RGN: variants seen among roughly 807,000 people sequenced by gnomAD.
RGN encodes the protein regucalcin.
A neutral mutation model predicts 20.6 loss-of-function variants in RGN; 19 were observed. The ratio of observed to expected loss-of-function variants is 0.92; its 90% CI spans 0.64 to 1.35. The LOEUF (loss-of-function observed/expected upper bound fraction) is 1.35. Among genes scored for constraint, RGN ranks in the 40% most tolerant of loss-of-function variants. The probability of loss-of-function intolerance (pLI) is 0.00; values close to 1 mark genes in which losing one functional copy is unlikely to be tolerated. For synonymous variants in RGN, 85 were observed against 87.2 expected (o/e 0.97, Z 0.14); for missense variants, 302 against 232.7 (o/e 1.30, Z -1.94).
At chrX:47,082,373 C>G (rs1930373857) in intron 3 of RGN, among the ~76,000 whole-genome samples, 1 of 93,044 alleles carries the variant, frequency 1.1e-5, no homozygotes, top group Admixed American at 1.3e-4. Context: ...TGCAATAATG[C>G]AAACATGGCT....
chrX:47,086,031 G>T (rs782739047), intron 4 of RGN, among the ~76,000 whole-genome samples: 11 of 111,970 alleles, frequency 9.8e-5, no homozygotes, highest in African/African-American at 3.2e-4. Context: ...TGCAGTCTAG[G>T]CTCATGGATT....
rs1448081428 is a variant in RGN at position 47,080,904 on chromosome X, T to G, written c.-48T>G. The G allele has an allele frequency of 2.9e-6, 1 of 342,407 alleles. No homozygotes were observed. The highest frequency in any genetic ancestry group is 5.0e-6 in the Non-Finnish European group (1 of 199,260). 28.2% of individuals were successfully genotyped at this position (342,407 alleles called of 1,213,427 possible). On this transcript the variant is annotated 5_prime_UTR_variant, in exon 2 of 8. Transcript: ENST00000397180. ...GTCAGAGTGTCACTTTTTTGTTTTC[T>G]TTTTGAAAGATCATTCGAGAAACAC...
At position 47,092,940 on chromosome X, in the gene RGN, C is replaced by T. The variant is rs782503509; in HGVS notation, c.893C>T (p.Ala298Val). ...GVKGIAPYSY[A>V]G ...AAAGGAATTGCTCCCTACTCCTATG[C>T]GGGATGAGGACAGGTCTTCTTTCCT... The change falls in exon 8 of 8, where the codon GCG becomes GTG. Residue 298 changes from alanine to valine, a missense_variant. By Grantham distance (64) the Ala-to-Val change is moderately conservative. Coordinates refer to ENST00000397180, the MANE Select transcript of RGN (RefSeq NM_152869.4). 7 of 1,201,292 alleles carry T rather than the reference C, an allele frequency of 5.8e-6. No homozygotes were observed. Among genetic ancestry groups the T allele is most frequent in the Admixed American group, 2.2e-5 (1 of 45,818 alleles).
At chrX:47,082,640 G>A (rs1312653755) in intron 3 of RGN, among the ~76,000 whole-genome samples, 1 of 111,055 alleles carries the variant, frequency 9.0e-6, no homozygotes, top group Non-Finnish European at 1.9e-5. Context: ...TAAATGAAAG[G>A]GAACAAATTT....
intron 3 of RGN, 119 bp downstream of exon 3, chrX:47,081,426 C>A: frequency 1.8e-6 from 1 of 562,663 alleles, no homozygotes; most frequent in Non-Finnish European, 2.8e-6. Flanking sequence ...TCTGTCCCCA[C>A]TCCATATCCT....
intron 3 of RGN, among the ~76,000 whole-genome samples, chrX:47,082,303 CTTTTTT>C (rs11286766): frequency 1.7e-5 from 1 of 59,259 alleles, no homozygotes; most frequent in African/African-American, 6.6e-5. Flanking sequence ...GGGACCTCAA[CTTTTTT>C]TTTTTTTTTT....
At chrX:47,088,890 C>G (rs782607060) in intron 4 of RGN, among the ~76,000 whole-genome samples, 6 of 97,082 alleles carry the variant, frequency 6.2e-5, no homozygotes, top group Non-Finnish European at 1.0e-4. Context: ...GCTGTGATCA[C>G]GCCACTGCAC....
At chrX:47,079,132 T>C (rs1286031209) in intron 1 of RGN, among the ~76,000 whole-genome samples, 1 of 108,974 alleles carries the variant, frequency 9.2e-6, no homozygotes, top group East Asian at 2.9e-4. Context: ...GCTAATTTTT[T>C]GTATTTTTTG....
At position 47,084,618 on chromosome X, in the gene RGN, A is replaced by T. The variant is rs782665041; in HGVS notation, c.346+18A>T. 3 of 1,144,767 alleles carry T rather than the reference A, an allele frequency of 2.6e-6. No homozygotes were observed. The highest frequency in any genetic ancestry group is 3.5e-6 in the Non-Finnish European group (3 of 850,338). The allele number at this position is 1,144,767 out of a possible 1,213,427, so 94.3% of individuals were successfully genotyped here. On this transcript the variant is annotated intron_variant, in intron 4 of 7. Transcript: ENST00000397180. ...CTTTGCTGGTAAGATTTCTCTTAAC[A>T]CCTACTTATTACTGAGCCTTGGAGG... is the stretch of plus-strand genomic sequence containing the variant.
At position 47,083,926 on chromosome X, in the gene RGN, A is replaced by C. The variant is rs782022481; in HGVS notation, c.164-492A>C. Among the ~76,000 whole-genome samples the C allele has an allele frequency of 5.7e-3, 532 of 92,927 alleles. 4 individuals carry two copies. The highest frequency in any genetic ancestry group is 0.015 in the African/African-American group (278 of 18,935). The allele number at this position is 92,927 out of a possible 115,157, so 80.7% of individuals were successfully genotyped here. A position where few individuals can be genotyped will look rare whatever the true frequency, so the allele number is the denominator to read the frequency against. The stretch of plus-strand genomic sequence containing the variant: ...AAACTCTGTCTCAAACAAAACAAAC[A>C]AAAAAAAAAATGCAAATCCTGGATT... On this transcript the variant is annotated intron_variant, in intron 3 of 7. Transcript: ENST00000397180.
intron 4 of RGN, 152 bp downstream of exon 4, chrX:47,084,752 G>A (rs1344844968): frequency 3.1e-5 from 14 of 446,623 alleles, no homozygotes; most frequent in Admixed American, 2.3e-4. Flanking sequence ...CCAGGAGTTC[G>A]ATAACTGCCT....
rs1898591512 is a variant in RGN, at chrX:47,090,011, T to C, written c.562+20T>C. The stretch of plus-strand genomic sequence containing the variant: ...AGATCTGTATGTATTTTTCATTATT[T>C]GTCTCAGTGCTGCCACTATTGTTTT... On this transcript the variant is annotated intron_variant, in intron 5 of 7. Transcript: ENST00000397180. The C allele has an allele frequency of 9.2e-7, 1 of 1,091,137 alleles. No individual in the cohort carries two copies. The highest frequency in any genetic ancestry group is 1.3e-6 in the Non-Finnish European group (1 of 798,427). The allele number at this position is 1,091,137 out of a possible 1,213,427, so 89.9% of individuals were successfully genotyped here. A position where few individuals can be genotyped will look rare whatever the true frequency, so the allele number is the denominator to read the frequency against.
intron 4 of RGN, among the ~76,000 whole-genome samples, chrX:47,085,798 TGA>T (rs1164330872): frequency 2.7e-5 from 3 of 111,709 alleles, no homozygotes; most frequent in Non-Finnish European, 3.8e-5. Context: ...CAGAATCATG[TGA>T]GAGTAGGTTG....
At position 47,092,188 on chromosome X, in the gene RGN, G is replaced by T; in HGVS notation, c.822G>T (p.Arg274Ser). The T allele has an allele frequency of 8.4e-7, 1 of 1,184,216 alleles. No individual in the cohort carries two copies. Among genetic ancestry groups the T allele is most frequent in the South Asian group, 1.9e-5 (1 of 53,341 alleles). The change falls in exon 7 of 8, where the codon AGG becomes AGT. Residue 274 changes from arginine (R) to serine (S), a missense_variant. Physicochemically the swap from Arg to Ser is moderately radical, Grantham distance 110. Coordinates refer to ENST00000397180, the MANE Select transcript of RGN (RefSeq NM_152869.4). ...RDGMDPEGLLRQPEAGGIFKI... is the reference protein window; with the variant it reads ...RDGMDPEGLLSQPEAGGIFKI... ...GGATGGACCCCGAGGGTCTTTTGAGGCAACCTGAAGCTGGTGGAATTTTCA... is the reference window on the plus strand; with the variant it reads ...GGATGGACCCCGAGGGTCTTTTGAGTCAACCTGAAGCTGGTGGAATTTTCA...
intron 1 of RGN, 88 bp downstream of exon 1, chrX:47,078,797 A>G (rs782017182): frequency 9.1e-6 from 1 of 109,443 alleles, no homozygotes; most frequent in African/African-American, 3.3e-5. Context: ...CCGGGCCTAA[A>G]TGGAACATTT....
At chrX:47,079,722 T>G (rs1267834360) in intron 1 of RGN, among the ~76,000 whole-genome samples, 1 of 111,251 alleles carries the variant, frequency 9.0e-6, no homozygotes, top group African/African-American at 3.3e-5. Flanking sequence ...TGAGCCACCA[T>G]GCCCGGCCTG....
intron 3 of RGN, among the ~76,000 whole-genome samples, chrX:47,083,215 C>A (rs199880456): frequency 9.1e-6 from 1 of 110,336 alleles, no homozygotes; most frequent in East Asian, 2.9e-4. Flanking sequence ...GCCTGACCAT[C>A]ATGGTGAAAC....
At position 47,090,961 on chromosome X, in the gene RGN, A is replaced by AAGGAAGGAAAGAAAGAAAG. The variant is rs1556387554; in HGVS notation, c.563-716_563-715insGGAAGGAAAGAAAGAAAGA. 1.1e-3 allele frequency among the ~76,000 whole-genome samples: 71 copies of AAGGAAGGAAAGAAAGAAAG among 63,601 alleles called. 6 individuals carry two copies. Among genetic ancestry groups the AAGGAAGGAAAGAAAGAAAG allele is most frequent in the African/African-American group, 4.4e-3 (68 of 15,483 alleles). 55.2% of individuals were successfully genotyped at this position (63,601 alleles called of 115,157 possible). On this transcript the variant is annotated intron_variant, in intron 5 of 7. Transcript: ENST00000397180. ...GAAAGAAAGAAAGAAAGAAAGAAAG[A>AAGGAAGGAAAGAAAGAAAG]AAGAAAGAAAGAAAGAAAGAAAGAT...
chrX:47,090,272 C>G (rs782743244), intron 5 of RGN, among the ~76,000 whole-genome samples: 4 of 111,217 alleles, frequency 3.6e-5, no homozygotes, highest in African/African-American at 9.8e-5. Context: ...GGTAGATTCT[C>G]AATCCTTTTC....
Sources: gnomAD v4.1 joint callset for allele counts (sites outside exome capture counted in the v4.1 genomes callset) on GRCh38, gnomAD v4.1.1 for gene constraint, MANE v1.5 for transcripts, NCBI Gene and HGNC (gene_info 2026-07-23, HGNC 2026-07-21) for gene names.